Variants in B3GNT2 observed in about 807,000 individuals in gnomAD.
B3GNT2 encodes UDP-GlcNAc:betaGal beta-1,3-N-acetylglucosaminyltransferase 2.
B3GNT2 carries 12 observed loss-of-function variants against 27.6 expected under a neutral mutation model. The observed-to-expected ratio is 0.44, with a 90% CI of 0.28 to 0.71. The LOEUF (loss-of-function observed/expected upper bound fraction) is 0.71. Among genes scored for constraint, B3GNT2 ranks in the 30% least tolerant of loss-of-function variants. B3GNT2 has a pLI of 0.17. For missense variants in B3GNT2, 413 were observed against 488.5 expected, an observed-to-expected ratio of 0.85 and a Z score of 1.46; for synonymous variants, 192 against 189.7, an observed-to-expected ratio of 1.01 and a Z score of -0.10.
chr2:62,202,551 T>C (rs190399927), intron 1 of B3GNT2, among the ~76,000 whole-genome samples: 2 of 152,228 alleles, frequency 1.3e-5, no homozygotes, highest in African/African-American at 4.8e-5. Flanking sequence ...AAAGTTCTTG[T>C]GGTCAGGGGA....
At chr2:62,205,641 C>A (rs951738511) in intron 1 of B3GNT2, among the ~76,000 whole-genome samples, 1 of 152,180 alleles carries the variant, frequency 6.6e-6, no homozygotes, top group African/African-American at 2.4e-5. Context: ...TCACACATCA[C>A]TAGAAGTGTT....
intron 1 of B3GNT2, among the ~76,000 whole-genome samples, chr2:62,215,178 A>C (rs1332670988): frequency 6.6e-6 from 1 of 152,198 alleles, no homozygotes; most frequent in Non-Finnish European, 1.5e-5. Context: ...GTAGGTGAGT[A>C]GATTCATTAT....
chr2:62,201,339 C>T (rs560240433), intron 1 of B3GNT2, among the ~76,000 whole-genome samples: 118 of 152,284 alleles, frequency 7.7e-4, no homozygotes, highest in Non-Finnish European at 1.4e-3. Context: ...AGCTAGGATG[C>T]AGTGATGAGA....
intron 1 of B3GNT2, among the ~76,000 whole-genome samples, chr2:62,203,346 G>T (rs7598268): frequency 1.3e-5 from 2 of 152,112 alleles, no homozygotes; most frequent in African/African-American, 4.8e-5. Context: ...GTATATTGGG[G>T]CATTTTTTAG....
At chr2:62,218,503 C>T (rs768608551) in intron 1 of B3GNT2, among the ~76,000 whole-genome samples, 1 of 152,168 alleles carries the variant, frequency 6.6e-6, no homozygotes, top group Non-Finnish European at 1.5e-5. Flanking sequence ...TAGGTGCCCC[C>T]ATTTCTCTTT....
rs1029673409 is a variant in B3GNT2 at position 62,223,026 on chromosome 2, A to C, written c.806A>C (p.Asp269Ala). ...AGTTTATCCAAGACCAAAGCCAAAG[A>C]TCTCTTCATAGGTGATGTGATCCAC... ...LNSLSKTKAKDLFIGDVIHNA... is the reference protein window; with the variant it reads ...LNSLSKTKAKALFIGDVIHNA... The change falls in exon 2 of 2, where the codon GAT (aspartate) becomes GCT (alanine). Residue 269 changes from aspartate (D) to alanine (A), a missense_variant. Physicochemically the swap from Asp to Ala is moderately radical, Grantham distance 126. Transcript: ENST00000301998. The C allele has an allele frequency of 6.2e-7, 1 of 1,614,224 alleles. No individual in the cohort carries two copies. Among genetic ancestry groups the C allele is most frequent in the Non-Finnish European group, 8.5e-7 (1 of 1,180,044 alleles).
At chr2:62,218,967 A>G (rs991678416) in intron 1 of B3GNT2, among the ~76,000 whole-genome samples, 1 of 152,246 alleles carries the variant, frequency 6.6e-6, no homozygotes, top group Admixed American at 6.5e-5. Flanking sequence ...AAATCTTGCC[A>G]GGGGTCAGCA....
At chr2:62,211,193 A>G (rs911577469) in intron 1 of B3GNT2, among the ~76,000 whole-genome samples, 5 of 152,104 alleles carry the variant, frequency 3.3e-5, no homozygotes, top group Non-Finnish European at 5.9e-5. Flanking sequence ...CTGTCTCCAC[A>G]AAAAATACCA....
intron 1 of B3GNT2, among the ~76,000 whole-genome samples, chr2:62,209,556 A>C (rs6724002): frequency 0.021 from 3,253 of 152,200 alleles, 128 homozygotes; most frequent in African/African-American, 0.075. Context: ...AGGTGAGAGG[A>C]TCACTTGAGC....
rs141901908 is a variant in B3GNT2 at position 62,204,169 on chromosome 2, G to A, written c.-10+7814G>A. 5.9e-4 allele frequency among the ~76,000 whole-genome samples: 90 copies of A among 152,270 alleles called. 1 individual carries two copies. In the East Asian group the frequency reaches 0.015, roughly 26 times the overall value. ...AGTCTCCTGAGTAGCTGGGATTACA[G>A]GCATGCACCACCATGCCTGGCTAAT... On this transcript the variant is annotated intron_variant, in intron 1 of 1. Transcript: ENST00000301998.
intron 1 of B3GNT2, among the ~76,000 whole-genome samples, chr2:62,219,641 C>A (rs1354549472): frequency 6.6e-6 from 1 of 152,148 alleles, no homozygotes; most frequent in East Asian, 1.9e-4. Flanking sequence ...GTTGCCCTTC[C>A]TTCCAGACTA....
rs377129789 is a variant in B3GNT2 at position 62,222,796 on chromosome 2, C to T, written c.576C>T (p.Pro192=). The T allele has an allele frequency of 1.9e-5, 31 of 1,614,012 alleles. No individual in the cohort carries two copies. The East Asian group carries it at 2.0e-4, about 10-fold the overall frequency. ...LGQTPPEDNH[P]DLSDMLKFES... ...AGACACCCCCAGAGGACAACCACCC[C>T]GACCTTTCAGATATGCTGAAATTTG... The change falls in exon 2 of 2, where the codon CCC becomes CCT. Residue 192 remains proline, a synonymous_variant. Coordinates refer to ENST00000301998, the MANE Select transcript of B3GNT2 (RefSeq NM_006577.6). The surrounding 1 kb of genome is among the most constrained non-coding windows in gnomAD (Gnocchi z 4.2).
At chr2:62,211,355 C>T (rs1367755846) in intron 1 of B3GNT2, among the ~76,000 whole-genome samples, 1 of 152,004 alleles carries the variant, frequency 6.6e-6, no homozygotes, top group East Asian at 1.9e-4. Flanking sequence ...GACCCTGTCC[C>T]CCCCGTCCCC....
intron 1 of B3GNT2, among the ~76,000 whole-genome samples, chr2:62,218,462 A>T (rs1051106612): frequency 6.6e-5 from 10 of 152,268 alleles, no homozygotes; most frequent in Admixed American, 6.5e-4. Flanking sequence ...AGAAAGGCTG[A>T]TCTGTTTCCT....
chr2:62,222,930 A>G lies in B3GNT2; in HGVS notation c.710A>G (p.Asp237Gly), dbSNP rs1674747706. ...AGGTGGGTAAGTACTTCCTGCCCAGACACTGAGTTTGTTTTCAAGGGCGAT... is the reference window on the plus strand; with the variant it reads ...AGGTGGGTAAGTACTTCCTGCCCAGGCACTGAGTTTGTTTTCAAGGGCGAT... ...FLRWVSTSCP[D>G]TEFVFKGDDD... The change falls in exon 2 of 2, where the codon GAC becomes GGC. Residue 237 changes from aspartate (D) to glycine (G), a missense_variant. Transcript: ENST00000301998. This position sits in a 1 kb window ranked among gnomAD's most constrained non-coding sequence, Gnocchi z 4.2. The G allele has an allele frequency of 1.2e-6, 2 of 1,614,208 alleles. No individual in the cohort carries two copies. The highest frequency in any genetic ancestry group is 1.7e-6 in the Non-Finnish European group (2 of 1,180,044).
At chr2:62,209,880 C>T (rs1311851191) in intron 1 of B3GNT2, among the ~76,000 whole-genome samples, 1 of 152,198 alleles carries the variant, frequency 6.6e-6, no homozygotes, top group Non-Finnish European at 1.5e-5. Context: ...CTAGTTTAAG[C>T]CCCAGCAGTC....
At chr2:62,201,133 T>C (rs987877941) in intron 1 of B3GNT2, among the ~76,000 whole-genome samples, 10 of 152,268 alleles carry the variant, frequency 6.6e-5, no homozygotes, top group African/African-American at 2.4e-4. Flanking sequence ...TCTTTTGTGT[T>C]TAAATGAGCT....
intron 1 of B3GNT2, among the ~76,000 whole-genome samples, 174 bp downstream of exon 1, chr2:62,196,529 A>C (rs1428851734): frequency 6.6e-6 from 1 of 152,140 alleles, no homozygotes; most frequent in Admixed American, 6.5e-5. Flanking sequence ...GCCCCGGTGG[A>C]GGAAGCCGTC....
At chr2:62,206,376 C>T (rs2104191934) in intron 1 of B3GNT2, among the ~76,000 whole-genome samples, 2 of 152,304 alleles carry the variant, frequency 1.3e-5, no homozygotes, top group Middle Eastern at 6.8e-3. Flanking sequence ...CCTCAGTCAC[C>T]ACTTGACTGT....
Sources: allele counts gnomAD v4.1 joint callset (sites outside exome capture counted in the v4.1 genomes callset), GRCh38; gene constraint gnomAD v4.1.1; non-coding constraint Gnocchi (gnomAD v3.1); transcripts MANE v1.5; gene names NCBI Gene and HGNC (gene_info 2026-07-23, HGNC 2026-07-21).